Variants in PDE4B observed in about 807,000 individuals in gnomAD.
The protein encoded by PDE4B is 3',5'-cyclic-AMP phosphodiesterase 4B.
Under a neutral mutation model 82.2 loss-of-function variants are expected in PDE4B, and 20 were observed. The observed-to-expected ratio is 0.24, with a 90% CI of 0.17 to 0.35. PDE4B has a LOEUF of 0.35. Ranked by LOEUF, PDE4B falls within the 10% of genes least tolerant of loss-of-function variation. The pLI is 1.00. For synonymous variants in PDE4B, 320 were observed against 318.9 expected (o/e 1.00, Z -0.04); for missense variants, 655 against 907.2 (o/e 0.72, Z 3.57).
chr1:66,093,909 GATGTTCTTTC>G (rs1337107889), intron 3 of PDE4B, among the ~76,000 whole-genome samples: 15 of 152,106 alleles, frequency 9.9e-5, no homozygotes, highest in Non-Finnish European at 1.6e-4. Context: ...TTGGGCCCTT[GATGTTCTTTC>G]ATTCATTCAA....
chr1:66,189,161 C>T (rs547069534), intron 3 of PDE4B, among the ~76,000 whole-genome samples: 1 of 152,034 alleles, frequency 6.6e-6, no homozygotes, highest in South Asian at 2.1e-4. Flanking sequence ...GAATATTGGC[C>T]CCCACTCTCT....
chr1:65,830,029 C>A (rs1047915364), intron 1 of PDE4B, among the ~76,000 whole-genome samples: 29 of 151,978 alleles, frequency 1.9e-4, no homozygotes, highest in Admixed American at 1.9e-3. Flanking sequence ...ATGGCCAGTT[C>A]TAGGGCTGGA....
chr1:66,103,911 G>A (rs930098886), intron 3 of PDE4B, among the ~76,000 whole-genome samples: 1 of 151,730 alleles, frequency 6.6e-6, no homozygotes. Context: ...AATTAAGATC[G>A]AGAGGCATTA....
intron 3 of PDE4B, among the ~76,000 whole-genome samples, chr1:66,118,007 T>C (rs1276172518): frequency 2.0e-5 from 3 of 152,194 alleles, no homozygotes; most frequent in South Asian, 2.1e-4. Flanking sequence ...ACCATTCTAA[T>C]TGGTGTGAGA....
At chr1:66,304,434 C>T (rs1570657948) in intron 7 of PDE4B, among the ~76,000 whole-genome samples, 1 of 152,242 alleles carries the variant, frequency 6.6e-6, no homozygotes, top group East Asian at 1.9e-4. Context: ...GGAAATCTTT[C>T]CTATGTTCTC....
At chr1:66,077,502 C>T (rs533659924) in intron 3 of PDE4B, among the ~76,000 whole-genome samples, 109 of 152,180 alleles carry the variant, frequency 7.2e-4, no homozygotes, top group African/African-American at 2.3e-3. Flanking sequence ...GCATGAACCA[C>T]GTTTTACTTA....
intron 3 of PDE4B, among the ~76,000 whole-genome samples, chr1:66,197,680 T>G (rs565231746): frequency 6.2e-4 from 94 of 152,264 alleles, no homozygotes; most frequent in Admixed American, 1.6e-3. Flanking sequence ...GGAACTCTAT[T>G]CTGTGCAAAT....
intron 3 of PDE4B, among the ~76,000 whole-genome samples, chr1:66,057,727 C>T (rs1005419674): frequency 1.3e-5 from 2 of 152,066 alleles, no homozygotes; most frequent in African/African-American, 4.8e-5. Flanking sequence ...TTAACTGTCA[C>T]CAGAACAGCA....
At chr1:66,359,704 C>T (rs926618405) in intron 9 of PDE4B, among the ~76,000 whole-genome samples, 2 of 152,078 alleles carry the variant, frequency 1.3e-5, no homozygotes, top group Admixed American at 6.6e-5. Flanking sequence ...CCTCTTTAAC[C>T]GGAGGTGAAG....
chr1:66,252,105 G>A (rs749168306), intron 4 of PDE4B, among the ~76,000 whole-genome samples: 3 of 152,156 alleles, frequency 2.0e-5, no homozygotes, highest in Non-Finnish European at 2.9e-5. Flanking sequence ...TTGCAAGTCA[G>A]GATCAGCAGG....
intron 3 of PDE4B, among the ~76,000 whole-genome samples, chr1:66,028,279 T>G (rs1337472327): frequency 1.3e-5 from 2 of 152,156 alleles, no homozygotes; most frequent in Admixed American, 1.3e-4. Context: ...CTGAGCTGTT[T>G]GTTGGCTCCT....
intron 3 of PDE4B, among the ~76,000 whole-genome samples, chr1:66,192,117 C>A (rs944051805): frequency 3.3e-5 from 5 of 152,030 alleles, no homozygotes; most frequent in African/African-American, 4.8e-5. Flanking sequence ...CTAAAAAAGG[C>A]TTACTTGGTA....
chr1:65,911,559 A>C (rs1421597498), intron 1 of PDE4B, among the ~76,000 whole-genome samples: 2 of 152,040 alleles, frequency 1.3e-5, no homozygotes, highest in African/African-American at 4.8e-5. Context: ...AGAGGCCCTC[A>C]ATATTGACTA....
chr1:66,043,997 T>C (rs1654540015), intron 3 of PDE4B, among the ~76,000 whole-genome samples: 2 of 151,752 alleles, frequency 1.3e-5, no homozygotes, highest in African/African-American at 4.8e-5. Context: ...GGGAGGACAT[T>C]GAGAATCAAT....
At chr1:66,089,847 A>G (rs952232708) in intron 3 of PDE4B, among the ~76,000 whole-genome samples, 3 of 152,064 alleles carry the variant, frequency 2.0e-5, no homozygotes, top group East Asian at 1.9e-4. Flanking sequence ...TCATTATGCT[A>G]TTATAGAGTT....
chr1:66,023,792 A>C (rs867025943), intron 3 of PDE4B, among the ~76,000 whole-genome samples: 1 of 152,226 alleles, frequency 6.6e-6, no homozygotes, highest in South Asian at 2.1e-4. Flanking sequence ...CTTAATAATA[A>C]TGTTTAGGAG....
At chr1:66,298,505 G>A (rs752478961) in intron 7 of PDE4B, among the ~76,000 whole-genome samples, 3 of 152,076 alleles carry the variant, frequency 2.0e-5, no homozygotes, top group Non-Finnish European at 4.4e-5. Flanking sequence ...TATTGCATTC[G>A]TTTTAAAGAT....
At chr1:65,805,003 C>G (rs1002370445) in intron 1 of PDE4B, among the ~76,000 whole-genome samples, 2 of 151,688 alleles carry the variant, frequency 1.3e-5, no homozygotes, top group Non-Finnish European at 2.9e-5. Flanking sequence ...CTCACTCTGT[C>G]TTCCAGGCTG....
chr1:66,283,352 A>AC (rs571568742), intron 7 of PDE4B, among the ~76,000 whole-genome samples: 136 of 150,580 alleles, frequency 9.0e-4, no homozygotes, highest in African/African-American at 3.2e-3. Flanking sequence ...TATTGTTACT[A>AC]TTATATATAT....
Sources: allele counts gnomAD v4.1 joint callset (sites outside exome capture counted in the v4.1 genomes callset), GRCh38; gene constraint gnomAD v4.1.1; transcripts MANE v1.5; gene names NCBI Gene and HGNC (gene_info 2026-07-23, HGNC 2026-07-21).